Variants in WWC1 observed in about 807,000 individuals in gnomAD.
WWC1 encodes the protein protein KIBRA.
A neutral mutation model predicts 138.4 loss-of-function variants in WWC1; 55 were observed. That is an observed-to-expected ratio of 0.40 (90% confidence interval 0.32 to 0.50). The LOEUF (loss-of-function observed/expected upper bound fraction) is 0.50, where lower values mean the gene tolerates loss of function less well. Ranked by LOEUF, WWC1 falls within the 20% of genes least tolerant of loss-of-function variation. WWC1 has a pLI of 0.72. For synonymous variants in WWC1, 524 were observed against 564.9 expected, an observed-to-expected ratio of 0.93 and a Z score of 1.03; for missense variants, 1,226 against 1,420.4, an observed-to-expected ratio of 0.86 and a Z score of 2.20.
rs1769073112 is a variant in WWC1, at chr5:168,291,820, G to C, written c.-333G>C. On this transcript the variant is annotated 5_prime_UTR_variant, in exon 1 of 23. Transcript: ENST00000265293. Reference sequence around the variant, plus strand: ...TGGAGGGCGCAGCGCGCCGCGCGGCGGAGGAGGGCAGACGGCGGCGGCGGC... The same window carrying C: ...TGGAGGGCGCAGCGCGCCGCGCGGCCGAGGAGGGCAGACGGCGGCGGCGGC... 1 of 150,012 alleles carries C rather than the reference G, an allele frequency of 6.7e-6. No individual in the cohort carries two copies. Among genetic ancestry groups the C allele is most frequent in the South Asian group, 1.8e-4 (1 of 5,672 alleles). 9.3% of individuals were successfully genotyped at this position (150,012 alleles called of 1,614,324 possible). A position where few individuals can be genotyped will look rare whatever the true frequency, so the allele number is the denominator to read the frequency against.
intron 13 of WWC1, among the ~76,000 whole-genome samples, chr5:168,429,114 G>A (rs1429292931): frequency 6.6e-6 from 1 of 152,154 alleles, no homozygotes; most frequent in East Asian, 1.9e-4. Context: ...GTTCATTGTT[G>A]CTGTGGCTTT....
chr5:168,302,391 C>T (rs560494435), intron 1 of WWC1, among the ~76,000 whole-genome samples: 32 of 152,052 alleles, frequency 2.1e-4, no homozygotes, highest in Admixed American at 8.5e-4. Context: ...GGTGTGCACG[C>T]GGGGGATGGA....
At position 168,292,381 on chromosome 5, in the gene WWC1, C is replaced by T; in HGVS notation, c.119+110C>T. 3.1e-6 allele frequency: 4 copies of T among 1,294,664 alleles called. No individual in the cohort carries two copies. The highest frequency in any genetic ancestry group is 4.2e-6 in the Non-Finnish European group (4 of 947,174). The allele number at this position is 1,294,664 out of a possible 1,614,324, so 80.2% of individuals were successfully genotyped here. ...GGGGGCAGGGGAGCTCTGCGTGCCTCTTGAGCTCTCTTCAGTTCGCCACCC... is the reference window on the plus strand; with the variant it reads ...GGGGGCAGGGGAGCTCTGCGTGCCTTTTGAGCTCTCTTCAGTTCGCCACCC... On this transcript the variant is annotated intron_variant, in intron 1 of 22. Coordinates refer to ENST00000265293, the MANE Select transcript of WWC1 (RefSeq NM_015238.3). The surrounding 1 kb of genome is among the most constrained non-coding windows in gnomAD (Gnocchi z 4.4).
intron 15 of WWC1, among the ~76,000 whole-genome samples, chr5:168,433,537 T>C (rs1332254150): frequency 6.6e-6 from 1 of 151,972 alleles, no homozygotes; most frequent in East Asian, 1.9e-4. Context: ...GCTCTTTACA[T>C]GCATTATCTG....
rs1383236101 is a variant in WWC1, at chr5:168,292,534, G to T, written c.119+263G>T. On this transcript the variant is annotated intron_variant, in intron 1 of 22. Coordinates refer to ENST00000265293, the MANE Select transcript of WWC1 (RefSeq NM_015238.3). This position sits in a 1 kb window ranked among gnomAD's most constrained non-coding sequence, Gnocchi z 4.4. ...AGTTGGAGGACTTAGGCCCCAGCCG[G>T]CACCTGCCCGGAGTTTTGACCTTAA... Among the ~76,000 whole-genome samples, 1 of 152,082 alleles carries T rather than the reference G, an allele frequency of 6.6e-6. No homozygotes were observed. Among genetic ancestry groups the T allele is most frequent in the Non-Finnish European group, 1.5e-5 (1 of 68,016 alleles).
chr5:168,347,266 C>T (rs962363046), intron 1 of WWC1, among the ~76,000 whole-genome samples: 6 of 152,194 alleles, frequency 3.9e-5, no homozygotes, highest in Admixed American at 6.5e-5. Context: ...TCGAGTTAAC[C>T]GCTGTCAGTC....
At chr5:168,373,783 AC>A (rs1446467667) in intron 2 of WWC1, among the ~76,000 whole-genome samples, 1 of 146,838 alleles carries the variant, frequency 6.8e-6, no homozygotes, top group Non-Finnish European at 1.5e-5. Context: ...GCAGTGGCTC[AC>A]GCCTGTAATC....
At chr5:168,352,387 G>T (rs1336161691) in intron 1 of WWC1, among the ~76,000 whole-genome samples, 1 of 152,014 alleles carries the variant, frequency 6.6e-6, no homozygotes, top group African/African-American at 2.4e-5. Context: ...ACTTTTTCCT[G>T]ATACTCCACA....
intron 16 of WWC1, among the ~76,000 whole-genome samples, chr5:168,442,526 C>CCATTGTGA (rs1371306410): frequency 6.6e-6 from 1 of 151,076 alleles, no homozygotes; most frequent in Non-Finnish European, 1.5e-5. Flanking sequence ...GGTAACTGTT[C>CCATTGTGA]CATTGTGACT....
rs181339799 is a variant in WWC1 at position 168,332,634 on chromosome 5, A to G, written c.120-38790A>G. On this transcript the variant is annotated intron_variant, in intron 1 of 22. Coordinates refer to ENST00000265293, the MANE Select transcript of WWC1 (RefSeq NM_015238.3). ...TTCCCTGTAACTTAAGGGTTTGCAT[A>G]GTAGGTGAGGAGGGAAAAGTTTCTT... Among the ~76,000 whole-genome samples, 20 of 152,306 alleles carry G rather than the reference A, an allele frequency of 1.3e-4. 1 individual carries two copies. Among genetic ancestry groups the G allele is most frequent in the Admixed American group, 1.3e-3 (20 of 15,292 alleles).
chr5:168,428,646 C>T (rs1781703728), intron 12 of WWC1, 61 bp from the exon 13 acceptor site: 1 of 1,533,658 alleles, frequency 6.5e-7, no homozygotes, highest in Non-Finnish European at 9.0e-7. Flanking sequence ...TAACCTCAGC[C>T]TCCCAGAATA....
intron 20 of WWC1, among the ~76,000 whole-genome samples, chr5:168,461,598 C>T (rs533372156): frequency 5.9e-5 from 9 of 152,146 alleles, no homozygotes; most frequent in African/African-American, 9.7e-5. Context: ...CTGAGCCATC[C>T]GGATGGGGTG....
chr5:168,349,638 G>A (rs1774771020), intron 1 of WWC1, among the ~76,000 whole-genome samples: 1 of 152,154 alleles, frequency 6.6e-6, no homozygotes. Context: ...GTGGTCTGCT[G>A]TTCAGCACAC....
intron 15 of WWC1, among the ~76,000 whole-genome samples, chr5:168,432,402 A>C (rs571654205): frequency 6.6e-6 from 1 of 152,180 alleles, no homozygotes; most frequent in Non-Finnish European, 1.5e-5. Context: ...GCCCAAGTAC[A>C]TTTTGTCCTA....
chr5:168,406,164 C>A (rs1779773103), intron 5 of WWC1, 34 bp from the exon 6 acceptor site: 7 of 1,611,308 alleles, frequency 4.3e-6, no homozygotes, highest in Non-Finnish European at 5.9e-6. Context: ...CTCACCCTAT[C>A]TAAGGCTGAC....
chr5:168,417,537 G>A (rs1780754452), intron 9 of WWC1, among the ~76,000 whole-genome samples: 1 of 152,092 alleles, frequency 6.6e-6, no homozygotes, highest in Admixed American at 6.5e-5. Context: ...AAGTGCCAGA[G>A]CTGGGATTAG....
intron 5 of WWC1, among the ~76,000 whole-genome samples, chr5:168,403,082 T>C (rs199606138): frequency 3.8e-5 from 5 of 131,750 alleles, no homozygotes; most frequent in East Asian, 4.4e-4. Context: ...TTCTTTCTTT[T>C]CTTTCTTTTC....
chr5:168,357,489 T>TGC (rs1380323053), intron 1 of WWC1, among the ~76,000 whole-genome samples: 2 of 65,338 alleles, frequency 3.1e-5, no homozygotes, highest in Admixed American at 1.8e-4. Flanking sequence ...TGTGTGTGTG[T>TGC]GTGTGCGCGC....
rs968640560 is a variant in WWC1 at position 168,460,050 on chromosome 5, G to C, written c.2824-600G>C. Among the ~76,000 whole-genome samples, 57 of 152,292 alleles carry C rather than the reference G, an allele frequency of 3.7e-4. 1 individual carries two copies. Among genetic ancestry groups the C allele is most frequent in the African/African-American group, 1.2e-3 (48 of 41,564 alleles). Reference sequence around the variant, plus strand: ...GTATAGATAACTCAGTGATCGAGCGGATGCCCACGGGGAGAGTTACGATCT... The same window carrying C: ...GTATAGATAACTCAGTGATCGAGCGCATGCCCACGGGGAGAGTTACGATCT... On this transcript the variant is annotated intron_variant, in intron 19 of 22. Transcript: ENST00000265293.
Sources: gnomAD v4.1 joint callset for allele counts (sites outside exome capture counted in the v4.1 genomes callset) on GRCh38, gnomAD v4.1.1 for gene constraint, Gnocchi (gnomAD v3.1) non-coding constraint, MANE v1.5 for transcripts, NCBI Gene and HGNC (gene_info 2026-07-23, HGNC 2026-07-21) for gene names.